The following FMN2 variants were observed in gnomAD, a reference collection of about 807,000 sequenced individuals.
FMN2 encodes formin-2.
A neutral mutation model predicts 142.3 loss-of-function variants in FMN2; 51 were observed. That is an observed-to-expected ratio of 0.36 (90% CI 0.29 to 0.45). FMN2 has a LOEUF of 0.45. Among genes scored for constraint, FMN2 ranks in the 20% least tolerant of loss-of-function variants. The pLI, the probability that FMN2 is intolerant of heterozygous loss-of-function variation, is 1.00. For synonymous variants in FMN2, 882 were observed against 869.8 expected (o/e 1.01, Z -0.25); for missense variants, 1,936 against 2,122.8 (o/e 0.91, Z 1.73).
intron 4 of FMN2, among the ~76,000 whole-genome samples, chr1:240,197,681 GT>G (rs1195701124): frequency 6.6e-6 from 1 of 152,142 alleles, no homozygotes; most frequent in Non-Finnish European, 1.5e-5. Context: ...TGTTTTCATT[GT>G]TGAGTGAGAG....
At chr1:240,331,734 G>A (rs2103016117) in intron 11 of FMN2, among the ~76,000 whole-genome samples, 1 of 152,228 alleles carries the variant, frequency 6.6e-6, no homozygotes, top group Admixed American at 6.5e-5. Flanking sequence ...TACCATAAGT[G>A]AAAAGTCATT....
At chr1:240,255,401 G>T (rs1337374653) in intron 6 of FMN2, among the ~76,000 whole-genome samples, 4 of 152,136 alleles carry the variant, frequency 2.6e-5, no homozygotes, top group African/African-American at 9.7e-5. Flanking sequence ...AGGTGATGAT[G>T]GTGCCCATTT....
At chr1:240,373,128 G>A (rs571848270) in intron 14 of FMN2, among the ~76,000 whole-genome samples, 249 of 150,322 alleles carry the variant, frequency 1.7e-3, no homozygotes, top group Non-Finnish European at 2.4e-3. Context: ...AGTTTGCAGT[G>A]AGCCGAGATC....
intron 14 of FMN2, among the ~76,000 whole-genome samples, chr1:240,368,683 A>C (rs890500925): frequency 4.6e-5 from 7 of 151,482 alleles, no homozygotes; most frequent in African/African-American, 1.7e-4. Flanking sequence ...TTTTCTGGTC[A>C]TTTTGCACTG....
intron 15 of FMN2, among the ~76,000 whole-genome samples, chr1:240,399,831 G>T (rs1160203662): frequency 6.6e-6 from 1 of 152,030 alleles, no homozygotes; most frequent in East Asian, 1.9e-4. Context: ...ATGAAGACTA[G>T]GGGCCCCCCA....
chr1:240,314,822 T>G (rs1670717495), intron 8 of FMN2, among the ~76,000 whole-genome samples: 1 of 152,220 alleles, frequency 6.6e-6, no homozygotes, highest in African/African-American at 2.4e-5. Context: ...CCTGTCTGCC[T>G]CTACCAGCCA....
At chr1:240,348,161 A>G (rs1671970498) in intron 13 of FMN2, among the ~76,000 whole-genome samples, 1 of 151,888 alleles carries the variant, frequency 6.6e-6, no homozygotes, top group Non-Finnish European at 1.5e-5. Flanking sequence ...TTACATCCTC[A>G]TCAACAATGT....
rs115377128 is a variant in FMN2, at chr1:240,132,381, G to A, written c.1782+9036G>A. Among the ~76,000 whole-genome samples the A allele has an allele frequency of 4.7e-3, 709 of 152,254 alleles. 6 individuals are homozygous for A. Among genetic ancestry groups the A allele is most frequent in the African/African-American group, 0.016 (682 of 41,550 alleles). On this transcript the variant is annotated intron_variant, in intron 2 of 17. Transcript: ENST00000319653. ...TCTTAAGGACAGTGGAGAATAATTA[G>A]ATGTAGTGAGAATATAGAGAGAATG...
chr1:240,330,477 G>A, intron 10 of FMN2, 126 bp from the exon 11 acceptor site: 1 of 899,394 alleles, frequency 1.1e-6, no homozygotes, highest in Non-Finnish European at 1.6e-6. Context: ...TAATAATTAG[G>A]AATGATAAAG....
intron 14 of FMN2, among the ~76,000 whole-genome samples, chr1:240,387,613 C>T (rs1012217224): frequency 6.6e-6 from 1 of 151,976 alleles, no homozygotes; most frequent in Admixed American, 6.6e-5. Context: ...TAAAGCAATC[C>T]CGTGGTTTTA....
intron 2 of FMN2, among the ~76,000 whole-genome samples, chr1:240,148,056 T>C (rs1312806030): frequency 1.3e-5 from 2 of 152,228 alleles, no homozygotes. Flanking sequence ...TGAGAGATGC[T>C]GTGCCAGAGC....
chr1:240,181,959 G>T (rs1665174015), intron 3 of FMN2, among the ~76,000 whole-genome samples: 1 of 152,012 alleles, frequency 6.6e-6, no homozygotes, highest in South Asian at 2.1e-4. Context: ...GAATTTTTCT[G>T]TTTATACATA....
At position 240,334,141 on chromosome 1, in the gene FMN2, G is replaced by A; in HGVS notation, c.4677G>A (p.Leu1559=). The A allele has an allele frequency of 6.2e-7, 1 of 1,606,678 alleles. No individual in the cohort carries two copies. The highest frequency in any genetic ancestry group is 1.3e-5 in the African/African-American group (1 of 74,552). Residue 1559 remains leucine (L), a synonymous_variant, in exon 13 of 18, where the codon CTG becomes CTA. Transcript: ENST00000319653. The part of the protein sequence containing the change: ...DAGKEQCLFP[L]PEPQDLFQAS... ...GAAAAGAACAGTGCCTCTTTCCACT[G>A]CCAGAACCCCAGGACCTTTTTCAGG...
intron 2 of FMN2, among the ~76,000 whole-genome samples, chr1:240,172,337 T>C (rs1245036896): frequency 6.6e-6 from 1 of 152,140 alleles, no homozygotes; most frequent in Non-Finnish European, 1.5e-5. Flanking sequence ...CTACTTATAG[T>C]CATGCAAAGA....
At chr1:240,370,019 A>G (rs1376984352) in intron 14 of FMN2, among the ~76,000 whole-genome samples, 7 of 151,718 alleles carry the variant, frequency 4.6e-5, no homozygotes, top group Non-Finnish European at 8.8e-5. Flanking sequence ...ATTCTTTTCA[A>G]TTTCTTCTTT....
rs368774315 is a variant in FMN2 at position 240,329,399 on chromosome 1, C to A, written c.4368C>A (p.Phe1456Leu). The A allele has an allele frequency of 1.9e-6, 3 of 1,614,048 alleles. No individual in the cohort carries two copies. The highest frequency in any genetic ancestry group is 2.5e-6 in the Non-Finnish European group (3 of 1,179,950). Reference sequence around the variant, plus strand: ...CAGAGCGAGTCTTTTGCATCCTGTTCCAGTCCACATTTTCAGAAAGCATTT... The same window carrying A: ...CAGAGCGAGTCTTTTGCATCCTGTTACAGTCCACATTTTCAGAAAGCATTT... ...NFSERVFCIL[F>L]QSTFSESICS... Residue 1456 changes from phenylalanine to leucine, a missense_variant, in exon 10 of 18, where the codon TTC becomes TTA. By Grantham distance (22) the Phe-to-Leu change is conservative (BLOSUM62 0). Around this residue, in one of 8 missense-constraint regions of FMN2, gnomAD observed 322 missense variants for 401.6 expected, o/e 0.80. Coordinates refer to ENST00000319653, the MANE Select transcript of FMN2 (RefSeq NM_020066.5).
At chr1:240,415,628 G>T (rs974354147) in intron 15 of FMN2, among the ~76,000 whole-genome samples, 2 of 152,016 alleles carry the variant, frequency 1.3e-5, no homozygotes, top group Non-Finnish European at 2.9e-5. Flanking sequence ...ACCTGCACTC[G>T]GTGTAAAAAC....
At chr1:240,268,347 A>T (rs1354630697) in intron 7 of FMN2, among the ~76,000 whole-genome samples, 1 of 152,116 alleles carries the variant, frequency 6.6e-6, no homozygotes, top group Non-Finnish European at 1.5e-5. Context: ...ACAGATAAGT[A>T]TGAGAATTAT....
At chr1:240,127,266 T>C (rs1050279814) in intron 2 of FMN2, among the ~76,000 whole-genome samples, 39 of 151,936 alleles carry the variant, frequency 2.6e-4, no homozygotes, top group African/African-American at 9.2e-4. Context: ...AGAGACAGGG[T>C]TTCGCCATGT....
Sources: gnomAD v4.1 joint callset for allele counts (sites outside exome capture counted in the v4.1 genomes callset) on GRCh38, gnomAD v4.1.1 for gene constraint, gnomAD v4.1.1 regional missense constraint, MANE v1.5 for transcripts, NCBI Gene and HGNC (gene_info 2026-07-23, HGNC 2026-07-21) for gene names.